Variants in TSNARE1 observed in about 807,000 individuals in gnomAD.
TSNARE1 encodes t-SNARE domain-containing protein 1.
TSNARE1 carries 49 observed loss-of-function variants against 62.0 expected under a neutral mutation model. That is an observed-to-expected ratio of 0.79 (90% confidence interval 0.63 to 1.00). The LOEUF (loss-of-function observed/expected upper bound fraction) is 1.00. Ranked by LOEUF, TSNARE1 falls within the 50% of genes least tolerant of loss-of-function variation. The pLI is 0.00. For missense variants in TSNARE1, 755 were observed against 700.1 expected, an observed-to-expected ratio of 1.08 and a Z score of -0.88; for synonymous variants, 328 against 294.4, an observed-to-expected ratio of 1.11 and a Z score of -1.17.
At chr8:142,274,180 A>G (rs938007576) in intron 12 of TSNARE1, 1 of 985,406 alleles carries the variant, frequency 1.0e-6, no homozygotes. Flanking sequence ...CCAGGCCACA[A>G]TGGGGACAGA....
intron 4 of TSNARE1, among the ~76,000 whole-genome samples, chr8:142,336,421 TG>T (rs1586878691): frequency 1.3e-5 from 2 of 151,902 alleles, no homozygotes; most frequent in East Asian, 3.9e-4. Context: ...ATAAGAAAGC[TG>T]GAATGGCTAC....
At chr8:142,343,779 A>AGGAGGAAGAGGAGGAGGG (rs1832927311) in intron 4 of TSNARE1, among the ~76,000 whole-genome samples, 187 bp downstream of exon 4, 1 of 49,262 alleles carries the variant, frequency 2.0e-5, no homozygotes. Flanking sequence ...GAAGAGGAGG[A>AGGAGGAAGAGGAGGAGGG]GGAGGAGGAG....
At position 142,314,987 on chromosome 8, in the gene TSNARE1, C is replaced by G. The variant is rs1390249875; in HGVS notation, c.1074+16G>C. The G allele has an allele frequency of 6.2e-7, 1 of 1,613,768 alleles. No individual in the cohort carries two copies. Among genetic ancestry groups the G allele is most frequent in the Non-Finnish European group, 8.5e-7 (1 of 1,179,768 alleles). On this transcript the variant is annotated intron_variant, in intron 8 of 13. Transcript: ENST00000524325. The stretch of plus-strand genomic sequence containing the variant: ...ACCTGGCCTGCAGACCCCCACTGCC[C>G]CCACCAGCACCTCACCTTCTGCACC...
chr8:142,297,842 A>G (rs1195127608), intron 10 of TSNARE1, among the ~76,000 whole-genome samples: 1 of 152,130 alleles, frequency 6.6e-6, no homozygotes, highest in Non-Finnish European at 1.5e-5. Flanking sequence ...TCAGAGACCA[A>G]AGGGAGGGAG....
rs530110433 is a variant in TSNARE1, at chr8:142,309,518, T to C, written c.1131+4866A>G. 3.5e-4 allele frequency among the ~76,000 whole-genome samples: 53 copies of C among 152,350 alleles called. No individual in the cohort carries two copies. The South Asian group carries it at 0.01, about 30-fold the overall frequency. On this transcript the variant is annotated intron_variant, in intron 9 of 13. Coordinates refer to ENST00000524325, the MANE Select transcript of TSNARE1 (RefSeq NM_145003.5). ...TTTTTCTATCTGTTGAAATGACCTGTACACATTTCCTCACTTATTCTATAT... is the reference window on the plus strand; with the variant it reads ...TTTTTCTATCTGTTGAAATGACCTGCACACATTTCCTCACTTATTCTATAT...
chr8:142,279,472 C>T (rs563938289), intron 11 of TSNARE1, among the ~76,000 whole-genome samples: 11 of 152,312 alleles, frequency 7.2e-5, no homozygotes, highest in South Asian at 6.2e-4. Context: ...ACCTTGTGAC[C>T]GCCTCCCCAC....
At chr8:142,363,936 G>A (rs73372231) in intron 1 of TSNARE1, among the ~76,000 whole-genome samples, 3,001 of 152,284 alleles carry the variant, frequency 0.02, 103 homozygotes, top group African/African-American at 0.068. Flanking sequence ...GGGGTCAAAG[G>A]GGATGATGAG....
intron 1 of TSNARE1, among the ~76,000 whole-genome samples, chr8:142,374,159 C>A (rs1287255671): frequency 6.6e-6 from 1 of 151,108 alleles, no homozygotes; most frequent in East Asian, 2.0e-4. Flanking sequence ...CAAAAGTTAG[C>A]CAGGCGTGGT....
chr8:142,251,258 C>G (rs912404925), intron 12 of TSNARE1, among the ~76,000 whole-genome samples: 6 of 151,878 alleles, frequency 4.0e-5, no homozygotes, highest in Non-Finnish European at 7.4e-5. Flanking sequence ...GCCTGCCCCC[C>G]ATGCCACACA....
intron 1 of TSNARE1, among the ~76,000 whole-genome samples, chr8:142,389,616 T>C (rs1000999964): frequency 2.6e-5 from 4 of 152,168 alleles, no homozygotes; most frequent in African/African-American, 7.2e-5. Flanking sequence ...ATCCACACCA[T>C]GGAATCCTCT....
chr8:142,329,378 G>A (rs1020589768), intron 6 of TSNARE1, among the ~76,000 whole-genome samples: 9 of 152,232 alleles, frequency 5.9e-5, no homozygotes, highest in Non-Finnish European at 2.9e-5. Context: ...AGCGGGTGGT[G>A]TCGGTCTTCA....
intron 12 of TSNARE1, chr8:142,272,702 C>T (rs1819796197): frequency 1.1e-6 from 1 of 949,254 alleles, no homozygotes; most frequent in South Asian, 5.0e-5. Context: ...TTCACAGAGG[C>T]CTCATCCCTC....
At chr8:142,306,433 C>T (rs772077991) in intron 9 of TSNARE1, among the ~76,000 whole-genome samples, 1 of 152,234 alleles carries the variant, frequency 6.6e-6, no homozygotes, top group Non-Finnish European at 1.5e-5. Flanking sequence ...GGGCCATTGC[C>T]CTGATGCTGC....
chr8:142,231,392 G>T lies in TSNARE1; in HGVS notation c.1447-1813C>A, dbSNP rs1222582251. On this transcript the variant is annotated intron_variant, in intron 12 of 13. Transcript: ENST00000524325. ...TCATGTTGCTGCCTGGACATCCTAG[G>T]ATGTGGGCAGGGTAATAAGGGGTTG... Among the ~76,000 whole-genome samples the T allele has an allele frequency of 2.0e-5, 3 of 152,158 alleles. No homozygotes were observed. In the East Asian group the frequency reaches 5.8e-4, roughly 29 times the overall value.
intron 1 of TSNARE1, among the ~76,000 whole-genome samples, chr8:142,388,414 T>C (rs1159302215): frequency 2.7e-5 from 4 of 149,180 alleles, no homozygotes; most frequent in Non-Finnish European, 5.9e-5. Flanking sequence ...AGAAAGAAAC[T>C]AGAGTATAAA....
In TSNARE1 at chr8:142,274,391, G is replaced by A. The variant is rs919444791; in HGVS notation, c.1446+390C>T. Reference sequence around the variant, plus strand: ...CTTGTTCCCTCTGAGCCACTGACCTGCCCCAACCACAAAGTCCCCTCTGCA... The same window carrying A: ...CTTGTTCCCTCTGAGCCACTGACCTACCCCAACCACAAAGTCCCCTCTGCA... On this transcript the variant is annotated intron_variant, in intron 12 of 13. Transcript: ENST00000524325. The A allele has an allele frequency of 9.1e-6, 9 of 985,314 alleles. No homozygotes were observed. In the African/African-American group the frequency reaches 1.4e-4, roughly 15 times the overall value. 61.0% of individuals were successfully genotyped at this position (985,314 alleles called of 1,614,324 possible).
chr8:142,245,429 G>A (rs1445445212), intron 12 of TSNARE1, among the ~76,000 whole-genome samples: 1 of 152,204 alleles, frequency 6.6e-6, no homozygotes, highest in African/African-American at 2.4e-5. Context: ...TCCATTGAGA[G>A]GAGAATGGAT....
intron 12 of TSNARE1, among the ~76,000 whole-genome samples, chr8:142,266,368 T>C (rs77168062): frequency 6.6e-6 from 1 of 152,372 alleles, no homozygotes; most frequent in East Asian, 1.9e-4. Flanking sequence ...ATTCCAGTCC[T>C]TCACCTTGAA....
chr8:142,306,084 G>A (rs961281105), intron 9 of TSNARE1, among the ~76,000 whole-genome samples: 5 of 152,182 alleles, frequency 3.3e-5, no homozygotes, highest in Non-Finnish European at 5.9e-5. Context: ...GTCTTTTCAG[G>A]AGCCCCAGAT....
Sources: allele counts gnomAD v4.1 joint callset (sites outside exome capture counted in the v4.1 genomes callset), GRCh38; gene constraint gnomAD v4.1.1; transcripts MANE v1.5; gene names NCBI Gene and HGNC (gene_info 2026-07-23, HGNC 2026-07-21).